Variants in RAP1A observed in about 807,000 individuals in gnomAD.
RAP1A encodes the protein ras-related protein Rap-1A.
RAP1A carries 6 observed loss-of-function variants against 26.4 expected under a neutral mutation model. The ratio of observed to expected loss-of-function variants is 0.23; its 90% confidence interval spans 0.12 to 0.45. The LOEUF (loss-of-function observed/expected upper bound fraction) is 0.45. Ranked by LOEUF, RAP1A falls within the 20% of genes least tolerant of loss-of-function variation. The probability of loss-of-function intolerance (pLI) is 0.99; values close to 1 mark genes in which losing one functional copy is unlikely to be tolerated. For synonymous variants in RAP1A, 73 were observed against 79.4 expected (o/e 0.92, Z 0.43); for missense variants, 121 against 217.2 (o/e 0.56, Z 2.78).
At chr1:111,593,475 T>C (rs183761622) in intron 1 of RAP1A, among the ~76,000 whole-genome samples, 3 of 152,116 alleles carry the variant, frequency 2.0e-5, no homozygotes, top group Admixed American at 2.0e-4. Flanking sequence ...TGAAGTGTAG[T>C]GGTGGAGCTG....
At chr1:111,693,414 G>T (rs1661729859) in intron 2 of RAP1A, among the ~76,000 whole-genome samples, 1 of 152,088 alleles carries the variant, frequency 6.6e-6, no homozygotes, top group Admixed American at 6.6e-5. Context: ...ATATTTGTAT[G>T]CTGGGGGCAA....
intron 1 of RAP1A, among the ~76,000 whole-genome samples, chr1:111,549,705 T>C (rs997602198): frequency 1.3e-4 from 20 of 150,890 alleles, no homozygotes; most frequent in Non-Finnish European, 2.5e-4. Context: ...CTGGAATGCA[T>C]TGGACAAATC....
At chr1:111,633,391 T>C (rs981868998) in intron 1 of RAP1A, among the ~76,000 whole-genome samples, 1 of 152,218 alleles carries the variant, frequency 6.6e-6, no homozygotes, top group African/African-American at 2.4e-5. Flanking sequence ...GCTCTATAGA[T>C]GTGTATCTAT....
chr1:111,656,693 C>G (rs1660471142), intron 1 of RAP1A, among the ~76,000 whole-genome samples: 1 of 152,072 alleles, frequency 6.6e-6, no homozygotes. Flanking sequence ...TTCTCTTTAT[C>G]CCAAGAAACT....
chr1:111,713,908 T>C lies in RAP1A; in HGVS notation c.*1507T>C, dbSNP rs1295651967. The C allele has an allele frequency of 2.0e-5, 3 of 152,108 alleles. No homozygotes were observed. Among genetic ancestry groups the C allele is most frequent in the Non-Finnish European group, 2.9e-5 (2 of 68,010 alleles). 9.4% of individuals were successfully genotyped at this position (152,108 alleles called of 1,614,324 possible). ...AAACCCTGTGCCTTGTCCTCAAATA[T>C]TAAGGAGGAGACAGACCAGTCCTAG... On this transcript the variant is annotated 3_prime_UTR_variant, in exon 8 of 8. Transcript: ENST00000369709.
chr1:111,563,966 G>C, intron 1 of RAP1A: 1 of 1,596,718 alleles, frequency 6.3e-7, no homozygotes, highest in Admixed American at 1.7e-5. Context: ...TCCAACTGGT[G>C]GTCTCTACCA....
chr1:111,603,533 T>C (rs374121712), intron 1 of RAP1A, among the ~76,000 whole-genome samples: 1 of 152,350 alleles, frequency 6.6e-6, no homozygotes, highest in East Asian at 1.9e-4. Context: ...CAACAGAATG[T>C]TCCTTTAGCT....
At chr1:111,545,739 G>T (rs1657012058) in intron 1 of RAP1A, among the ~76,000 whole-genome samples, 1 of 152,104 alleles carries the variant, frequency 6.6e-6, no homozygotes, top group Admixed American at 6.5e-5. Context: ...CCTTTGAAAA[G>T]CTTTGTTATT....
At chr1:111,592,045 G>T (rs1483361824) in intron 1 of RAP1A, among the ~76,000 whole-genome samples, 1 of 152,090 alleles carries the variant, frequency 6.6e-6, no homozygotes, top group Non-Finnish European at 1.5e-5. Flanking sequence ...AGGCATTTGG[G>T]GGATATTTAT....
Position 111,665,853 on chromosome 1 carries a change from AAAG to A in RAP1A, c.-27-25476_-27-25474del. ...ACATTTAGGAGGAAAAGTTATAGTC[AAAG>A]AAGACCATCTCTTTCTTTTAAATCA... On this transcript the variant is annotated intron_variant, in intron 1 of 7. Transcript: ENST00000369709. 1.3e-5 allele frequency among the ~76,000 whole-genome samples: 2 copies of A among 152,328 alleles called. 1 individual carries two copies. The highest frequency in any genetic ancestry group is 6.8e-3 in the Middle Eastern group (2 of 294).
intron 1 of RAP1A, among the ~76,000 whole-genome samples, chr1:111,549,309 C>CTTTTTTTTTTTTTTTTTT (rs767231547): frequency 1.6e-5 from 2 of 125,610 alleles, no homozygotes; most frequent in African/African-American, 2.9e-5. Flanking sequence ...CAGTCATGGG[C>CTTTTTTTTTTTTTTTTTT]TTTTTTTTTT....
At chr1:111,692,226 A>G (rs945624530) in intron 2 of RAP1A, among the ~76,000 whole-genome samples, 11 of 152,318 alleles carry the variant, frequency 7.2e-5, no homozygotes, top group African/African-American at 2.6e-4. Flanking sequence ...TTGAGCTACT[A>G]ATTTTATGGA....
chr1:111,706,568 G>T (rs760744647), intron 6 of RAP1A: 2 of 296,204 alleles, frequency 6.8e-6, no homozygotes, highest in Non-Finnish European at 1.0e-5. Flanking sequence ...AGAATTAATT[G>T]TTCTTTGCTG....
intron 1 of RAP1A, among the ~76,000 whole-genome samples, chr1:111,613,118 G>GTGAC (rs1255217484): frequency 6.6e-6 from 1 of 151,034 alleles, no homozygotes; most frequent in East Asian, 1.9e-4. Context: ...CATAAGATCA[G>GTGAC]TGGTAGATAG....
intron 4 of RAP1A, among the ~76,000 whole-genome samples, chr1:111,698,802 C>T (rs1440498580): frequency 6.6e-6 from 1 of 152,158 alleles, no homozygotes; most frequent in East Asian, 1.9e-4. Context: ...TAAAGACCTT[C>T]TGAAACTACA....
intron 1 of RAP1A, among the ~76,000 whole-genome samples, chr1:111,621,598 C>G (rs546420809): frequency 1.4e-4 from 22 of 152,054 alleles, no homozygotes; most frequent in Non-Finnish European, 2.9e-4. Context: ...ATCTTCTGTC[C>G]TTTTGAGAGG....
At chr1:111,651,525 A>G (rs377262287) in intron 1 of RAP1A, among the ~76,000 whole-genome samples, 7 of 135,336 alleles carry the variant, frequency 5.2e-5, no homozygotes, top group Non-Finnish European at 7.7e-5. Flanking sequence ...TACCCAGGCT[A>G]TAGTGCAGTG....
At chr1:111,685,458 G>A (rs747744440) in intron 1 of RAP1A, among the ~76,000 whole-genome samples, 1 of 151,778 alleles carries the variant, frequency 6.6e-6, no homozygotes, top group African/African-American at 2.4e-5. Flanking sequence ...CAAAAAATAG[G>A]CGAAAGACAT....
At chr1:111,663,022 T>C (rs1660688158) in intron 1 of RAP1A, among the ~76,000 whole-genome samples, 1 of 152,216 alleles carries the variant, frequency 6.6e-6, no homozygotes, top group South Asian at 2.1e-4. Context: ...CTAGTGATTC[T>C]CCTGCCTCAG....
Sources: gnomAD v4.1 joint callset for allele counts (sites outside exome capture counted in the v4.1 genomes callset) on GRCh38, gnomAD v4.1.1 for gene constraint, MANE v1.5 for transcripts, NCBI Gene and HGNC (gene_info 2026-07-23, HGNC 2026-07-21) for gene names.